STAG1: variants seen among roughly 807,000 people sequenced by gnomAD.
The protein encoded by STAG1 is cohesin subunit SA-1.
In STAG1, 26 loss-of-function variants were observed where a neutral mutation model predicts 170.9. That is an observed-to-expected ratio of 0.15 (90% confidence interval 0.11 to 0.21). The LOEUF is 0.21. STAG1 is among the 10% of genes least tolerant of loss of function. STAG1 has a pLI of 1.00. For synonymous variants in STAG1, 514 were observed against 497.7 expected, an observed-to-expected ratio of 1.03 and a Z score of -0.44; for missense variants, 964 against 1,509.5, an observed-to-expected ratio of 0.64 and a Z score of 5.99.
chr3:136,702,786 C>T (rs528731187), intron 1 of STAG1, among the ~76,000 whole-genome samples: 5 of 151,936 alleles, frequency 3.3e-5, no homozygotes, highest in East Asian at 1.9e-4. Flanking sequence ...AACTAAAGGC[C>T]GGGCCAGGCA....
intron 6 of STAG1, among the ~76,000 whole-genome samples, chr3:136,540,603 C>A (rs1291448159): frequency 6.6e-6 from 1 of 151,714 alleles, no homozygotes; most frequent in Admixed American, 6.6e-5. Flanking sequence ...GGTTGGATCA[C>A]CTGAGGTCAG....
At chr3:136,597,911 G>C (rs1576648845) in intron 4 of STAG1, among the ~76,000 whole-genome samples, 1 of 151,892 alleles carries the variant, frequency 6.6e-6, no homozygotes, top group African/African-American at 2.4e-5. Flanking sequence ...CTGAGCTGTA[G>C]GTTTGGGGGA....
chr3:136,429,363 C>T (rs550276838), intron 16 of STAG1, among the ~76,000 whole-genome samples: 1 of 152,120 alleles, frequency 6.6e-6, no homozygotes, highest in Non-Finnish European at 1.5e-5. Context: ...GCCCAGATCA[C>T]GCCACTGCAC....
chr3:136,734,479 C>G (rs1161479360), intron 1 of STAG1, among the ~76,000 whole-genome samples: 4 of 152,144 alleles, frequency 2.6e-5, no homozygotes, highest in African/African-American at 9.7e-5. Context: ...TAATATTTAA[C>G]TATTCATGTT....
chr3:136,642,001 G>A (rs1940818315), intron 1 of STAG1, among the ~76,000 whole-genome samples: 1 of 152,070 alleles, frequency 6.6e-6, no homozygotes, highest in Non-Finnish European at 1.5e-5. Flanking sequence ...AAGAAAAAGA[G>A]GTGAGGTACT....
At position 136,586,003 on chromosome 3, in the gene STAG1, T is replaced by C. The variant is rs1937798662; in HGVS notation, c.298-17142A>G. ...TCTCATTTATACCTGGATATAGCTT[T>C]ATTCATGCAATGTTTTCTGTATTTC... is the stretch of plus-strand genomic sequence containing the variant. On this transcript the variant is annotated intron_variant, in intron 4 of 33. Coordinates refer to ENST00000383202, the MANE Select transcript of STAG1 (RefSeq NM_005862.3). Among the ~76,000 whole-genome samples, 3 of 152,206 alleles carry C rather than the reference T, an allele frequency of 2.0e-5. No homozygotes were observed. In the South Asian group the frequency reaches 6.2e-4, roughly 31 times the overall value.
chr3:136,352,492 C>T (rs1046216178), intron 28 of STAG1, among the ~76,000 whole-genome samples: 3 of 152,022 alleles, frequency 2.0e-5, no homozygotes, highest in Non-Finnish European at 2.9e-5. Flanking sequence ...AATTATGAGA[C>T]GTACAAAGAA....
chr3:136,503,061 C>G (rs1055540776), intron 7 of STAG1, among the ~76,000 whole-genome samples: 3 of 152,122 alleles, frequency 2.0e-5, no homozygotes, highest in African/African-American at 7.2e-5. Context: ...TCAACAACTC[C>G]TTTCTCCTAC....
At chr3:136,493,537 C>G (rs1020286612) in intron 9 of STAG1, among the ~76,000 whole-genome samples, 1 of 151,638 alleles carries the variant, frequency 6.6e-6, no homozygotes, top group African/African-American at 2.4e-5. Flanking sequence ...TGCTTGTAGT[C>G]CCAACTACTC....
chr3:136,454,871 G>C (rs1171402448), intron 13 of STAG1, among the ~76,000 whole-genome samples: 2 of 152,190 alleles, frequency 1.3e-5, no homozygotes, highest in Admixed American at 1.3e-4. Context: ...CACTATACGT[G>C]TGTGGATGTG....
chr3:136,692,723 G>A (rs1425191176), intron 1 of STAG1, among the ~76,000 whole-genome samples: 1 of 152,240 alleles, frequency 6.6e-6, no homozygotes, highest in African/African-American at 2.4e-5. Flanking sequence ...CCTCAACCAT[G>A]AAGTTTTTTT....
At chr3:136,515,395 A>C (rs998211634) in intron 7 of STAG1, among the ~76,000 whole-genome samples, 1 of 152,132 alleles carries the variant, frequency 6.6e-6, no homozygotes, top group African/African-American at 2.4e-5. Flanking sequence ...ACATTAGACA[A>C]TTACTAAGTG....
chr3:136,656,981 T>C (rs1429414776), intron 1 of STAG1, among the ~76,000 whole-genome samples: 1 of 151,832 alleles, frequency 6.6e-6, no homozygotes, highest in East Asian at 1.9e-4. Context: ...CTTAAATGTA[T>C]TATCCACTCT....
At chr3:136,609,450 T>C (rs1452689524) in intron 3 of STAG1, 2 of 150,440 alleles carry the variant, frequency 1.3e-5, no homozygotes, top group African/African-American at 4.9e-5. Context: ...TATATACATG[T>C]AAAAGGTATA....
chr3:136,539,384 T>G (rs1422882295), intron 6 of STAG1, among the ~76,000 whole-genome samples: 7 of 152,176 alleles, frequency 4.6e-5, no homozygotes, highest in African/African-American at 1.7e-4. Context: ...TCTGCAAGGT[T>G]AAGTTATCAC....
intron 1 of STAG1, among the ~76,000 whole-genome samples, chr3:136,648,726 T>A (rs1941116153): frequency 6.6e-6 from 1 of 152,206 alleles, no homozygotes; most frequent in Non-Finnish European, 1.5e-5. Flanking sequence ...ATATCCTGAC[T>A]ATTTTACCTG....
chr3:136,465,382 G>C (rs989216981), intron 12 of STAG1, among the ~76,000 whole-genome samples: 1 of 151,368 alleles, frequency 6.6e-6, no homozygotes, highest in African/African-American at 2.4e-5. Context: ...ACCACGCTCA[G>C]CTAATTTTTT....
chr3:136,598,436 T>C (rs961211038), intron 4 of STAG1, among the ~76,000 whole-genome samples: 69 of 150,746 alleles, frequency 4.6e-4, no homozygotes, highest in Non-Finnish European at 3.1e-4. Context: ...TTTTTTTTTC[T>C]TTTTTTTTGA....
intron 13 of STAG1, among the ~76,000 whole-genome samples, chr3:136,464,106 T>C (rs944956846): frequency 2.0e-5 from 3 of 151,698 alleles, no homozygotes; most frequent in Admixed American, 6.6e-5. Flanking sequence ...ACTTTCAGAA[T>C]TACTATGAAT....
Sources: allele counts gnomAD v4.1 joint callset (sites outside exome capture counted in the v4.1 genomes callset), GRCh38; gene constraint gnomAD v4.1.1; transcripts MANE v1.5; gene names NCBI Gene and HGNC (gene_info 2026-07-23, HGNC 2026-07-21).